Variants in APOLD1 observed in about 807,000 individuals in gnomAD.
The protein encoded by APOLD1 is apolipoprotein L domain containing 1.
A neutral mutation model predicts 15.3 loss-of-function variants in APOLD1; 22 were observed. The ratio of observed to expected loss-of-function variants is 1.44; its 90% CI spans 1.03 to 2.05. The LOEUF (loss-of-function observed/expected upper bound fraction) is 2.05. APOLD1 is among the 30% of genes most tolerant of loss of function. The probability of loss-of-function intolerance (pLI) is 0.00; values close to 1 mark genes in which losing one functional copy is unlikely to be tolerated. For missense variants in APOLD1, 394 were observed against 353.5 expected, an observed-to-expected ratio of 1.11 and a Z score of -0.92; for synonymous variants, 190 against 167.4, an observed-to-expected ratio of 1.13 and a Z score of -1.04.
At chr12:12,752,115 T>C (rs1443225986) in intron 1 of APOLD1, among the ~76,000 whole-genome samples, 1 of 152,192 alleles carries the variant, frequency 6.6e-6, no homozygotes, top group Non-Finnish European at 1.5e-5. Flanking sequence ...GCATCTATAT[T>C]TGTGGTAATT....
chr12:12,738,102 A>G (rs966458676), intron 1 of APOLD1, among the ~76,000 whole-genome samples: 2 of 151,742 alleles, frequency 1.3e-5, no homozygotes, highest in Non-Finnish European at 2.9e-5. Context: ...GTAGCTATGC[A>G]TGTGTTCACT....
chr12:12,748,974 C>A (rs1462779372), intron 1 of APOLD1, among the ~76,000 whole-genome samples: 1 of 152,200 alleles, frequency 6.6e-6, no homozygotes, highest in Non-Finnish European at 1.5e-5. Flanking sequence ...AGAGGGGGAT[C>A]TTCCCAGATG....
exon 1 of APOLD1, chr12:12,726,008 G>A: frequency 6.6e-7 from 1 of 1,515,866 alleles, no homozygotes; most frequent in Non-Finnish European, 8.9e-7. Flanking sequence ...CGGATGTTCC[G>A]CGCGCCGTGT....
At chr12:12,767,715 T>G (rs952087609) in intron 1 of APOLD1, among the ~76,000 whole-genome samples, 66 of 152,080 alleles carry the variant, frequency 4.3e-4, no homozygotes, top group African/African-American at 1.5e-3. Flanking sequence ...GCACTTACAT[T>G]GTATTAGGTA....
At chr12:12,774,575 GAAAGAAAAGAAAAGTAAAGA>G (rs1947016280) in intron 1 of APOLD1, among the ~76,000 whole-genome samples, 1 of 93,528 alleles carries the variant, frequency 1.1e-5, no homozygotes, top group East Asian at 2.8e-4. Context: ...AAAAAAAAAA[GAAAGAAAAGAAAAGTAAAGA>G]AAAGAAAAGA....
intron 1 of APOLD1, among the ~76,000 whole-genome samples, chr12:12,786,127 TTGGCC>T (rs1947122036): frequency 6.6e-6 from 1 of 152,214 alleles, no homozygotes; most frequent in African/African-American, 2.4e-5. Context: ...AACAAAAATT[TTGGCC>T]ACTTTATTTT....
intron 1 of APOLD1, among the ~76,000 whole-genome samples, chr12:12,728,470 A>C (rs900946312): frequency 1.3e-5 from 2 of 151,954 alleles, no homozygotes; most frequent in Non-Finnish European, 2.9e-5. Context: ...GTTCTGGACC[A>C]GCCTGGGCAA....
intron 1 of APOLD1, among the ~76,000 whole-genome samples, chr12:12,739,761 C>G (rs1053704501): frequency 6.6e-6 from 1 of 150,520 alleles, no homozygotes; most frequent in Non-Finnish European, 1.5e-5. Flanking sequence ...AGCTTGGGTA[C>G]TTTATGTTTC....
At chr12:12,734,897 G>A (rs1291758497) in intron 1 of APOLD1, among the ~76,000 whole-genome samples, 3 of 152,152 alleles carry the variant, frequency 2.0e-5, no homozygotes, top group Admixed American at 6.6e-5. Flanking sequence ...TCCACAAGGC[G>A]TCACAGCTGT....
At chr12:12,746,243 C>A (rs984369385) in intron 1 of APOLD1, among the ~76,000 whole-genome samples, 6 of 152,340 alleles carry the variant, frequency 3.9e-5, no homozygotes, top group African/African-American at 1.4e-4. Flanking sequence ...CGCCTGTAAT[C>A]CCAGCACTTC....
intron 1 of APOLD1, among the ~76,000 whole-genome samples, chr12:12,758,169 C>T (rs1351376547): frequency 2.7e-5 from 4 of 150,452 alleles, no homozygotes; most frequent in Non-Finnish European, 4.4e-5. Context: ...ATCTCCTGAC[C>T]TCGTGATCTG....
upstream of APOLD1, among the ~76,000 whole-genome samples, chr12:12,781,628 C>T (rs59201638): frequency 0.18 from 26,731 of 149,792 alleles, 2,464 homozygotes; most frequent in South Asian, 0.29. Context: ...CCCGAGTTCA[C>T]GCCATTCTCC....
intron 1 of APOLD1, among the ~76,000 whole-genome samples, chr12:12,745,543 G>A (rs1260149473): frequency 6.6e-6 from 1 of 152,094 alleles, no homozygotes; most frequent in African/African-American, 2.4e-5. Flanking sequence ...AGAAAAGACT[G>A]AAGAGAAGAG....
At chr12:12,786,592 C>G in intron 1 of APOLD1, 1 of 941,218 alleles carries the variant, frequency 1.1e-6, no homozygotes, top group Non-Finnish European at 1.3e-6. Context: ...CCACGCCCCT[C>G]CCAGTTTAAA....
chr12:12,743,368 A>T (rs1946741983), intron 1 of APOLD1, among the ~76,000 whole-genome samples: 1 of 138,248 alleles, frequency 7.2e-6, no homozygotes, highest in Non-Finnish European at 1.6e-5. Flanking sequence ...CCCCATCTTT[A>T]AAAAAAAAAA....
intron 1 of APOLD1, among the ~76,000 whole-genome samples, chr12:12,767,553 C>T (rs1248421681): frequency 1.3e-5 from 2 of 151,882 alleles, no homozygotes; most frequent in Non-Finnish European, 2.9e-5. Context: ...TTCAGCTACT[C>T]GTGAAGCTGA....
intron 1 of APOLD1, among the ~76,000 whole-genome samples, chr12:12,779,213 T>G (rs1947061055): frequency 2.0e-5 from 3 of 152,188 alleles, no homozygotes; most frequent in Admixed American, 6.5e-5. Flanking sequence ...TTCCTGGGCA[T>G]GTATTTGCCC....
intron 1 of APOLD1, among the ~76,000 whole-genome samples, chr12:12,734,292 G>C (rs765952649): frequency 6.6e-6 from 1 of 152,164 alleles, no homozygotes; most frequent in Non-Finnish European, 1.5e-5. Context: ...CAGGGAATCC[G>C]CCTGGGAATT....
chr12:12,760,955 A>G (rs1372968005), intron 1 of APOLD1, among the ~76,000 whole-genome samples: 1 of 152,216 alleles, frequency 6.6e-6, no homozygotes, highest in Non-Finnish European at 1.5e-5. Context: ...ATTACATACA[A>G]TGCTCATTGA....
Sources: gnomAD v4.1 joint callset for allele counts (sites outside exome capture counted in the v4.1 genomes callset) on GRCh38, gnomAD v4.1.1 for gene constraint, MANE v1.5 for transcripts, NCBI Gene and HGNC (gene_info 2026-07-23, HGNC 2026-07-21) for gene names.